SIX5: variants seen among roughly 807,000 people sequenced by gnomAD.
SIX5 encodes the protein SIX homeobox 5, also known as homeobox protein SIX5.
SIX5 carries 21 observed loss-of-function variants against 37.1 expected under a neutral mutation model. The observed-to-expected ratio is 0.57, with a 90% CI of 0.40 to 0.81. The LOEUF (loss-of-function observed/expected upper bound fraction) is 0.81, where lower values mean the gene tolerates loss of function less well. Among genes scored for constraint, SIX5 ranks in the 40% least tolerant of loss-of-function variants. The pLI is 0.00. For synonymous variants in SIX5, 626 were observed against 505.9 expected (o/e 1.24, Z -3.19); for missense variants, 1,137 against 1,025.1 (o/e 1.11, Z -1.49).
In SIX5 at chr19:45,766,895, C is replaced by T. The variant is rs1347622306; in HGVS notation, c.1064G>A (p.Ser355Asn). The T allele has an allele frequency of 1.3e-6, 2 of 1,551,568 alleles. No individual in the cohort carries two copies. Among genetic ancestry groups the T allele is most frequent in the Admixed American group, 1.9e-5 (1 of 52,162 alleles). Reference sequence around the variant, plus strand: ...CCCAGTGAGCAGCAGCGGGCCCAGGCTGGAGGCCTCGCCCAGGGCCAGGCC... The same window carrying T: ...CCCAGTGAGCAGCAGCGGGCCCAGGTTGGAGGCCTCGCCCAGGGCCAGGCC... ...INGLALGEAS[S>N]LGPLLLTGGG... Residue 355 changes from serine to asparagine, a missense_variant, in exon 2 of 3, where the codon AGC becomes AAC. This residue lies in a region of SIX5 where 787 missense variants were observed against 621.4 expected (regional missense o/e 1.27). Coordinates refer to ENST00000317578, the MANE Select transcript of SIX5 (RefSeq NM_175875.5).
rs1279848841 is a variant in SIX5, at chr19:45,765,724, G to A, written c.1997C>T (p.Ser666Leu). The A allele has an allele frequency of 3.1e-6, 5 of 1,612,568 alleles. No homozygotes were observed. The highest frequency in any genetic ancestry group is 1.1e-5 in the South Asian group (1 of 91,092). ...TCCTGCGCTTAGTTCCAGCCCTGCT[G>A]ACCAGACAGGCACGGCCGCGGGTGA... ...MLSPAAVPVW[S>L]AGLELSAGTE... The change falls in exon 3 of 3, where the codon TCA becomes TTA. Residue 666 changes from serine (S) to leucine (L), a missense_variant. By Grantham distance (145) the Ser-to-Leu change is moderately radical. Coordinates refer to ENST00000317578, the MANE Select transcript of SIX5 (RefSeq NM_175875.5).
At position 45,768,888 on chromosome 19, in the gene SIX5, T is replaced by A; in HGVS notation, c.-44A>T. 6.7e-7 allele frequency: 1 copy of A among 1,497,648 alleles called. No homozygotes were observed. The highest frequency in any genetic ancestry group is 8.9e-7 in the Non-Finnish European group (1 of 1,122,100). The allele number at this position is 1,497,648 out of a possible 1,614,324, so 92.8% of individuals were successfully genotyped here. A position where few individuals can be genotyped will look rare whatever the true frequency, so the allele number is the denominator to read the frequency against. On this transcript the variant is annotated 5_prime_UTR_variant, in exon 1 of 3. Coordinates refer to ENST00000317578, the MANE Select transcript of SIX5 (RefSeq NM_175875.5). The stretch of plus-strand genomic sequence containing the variant: ...GTTCCTCCCTCCCTCTCTTCCTCCC[T>A]CGGGCTTTCCCCAGCCTCCTCCCCC...
In SIX5 at chr19:45,769,063, T is replaced by C; in HGVS notation, c.-219A>G. 1 of 513,606 alleles carries C rather than the reference T, an allele frequency of 1.9e-6. No individual in the cohort carries two copies. Among genetic ancestry groups the C allele is most frequent in the South Asian group, 2.7e-5 (1 of 37,448 alleles). 31.8% of individuals were successfully genotyped at this position (513,606 alleles called of 1,614,324 possible). On this transcript the variant is annotated 5_prime_UTR_variant, in exon 1 of 3. Coordinates refer to ENST00000317578, the MANE Select transcript of SIX5 (RefSeq NM_175875.5). ...CCGTCCCCCTCCCGTCTGTCTGTGA[T>C]TCTCCCTTTGTTTTCCCTCCGCCTC...
At chr19:45,766,246 GGATGA>G (rs1256774647) in intron 2 of SIX5, 99 bp downstream of exon 2, 38 of 1,492,802 alleles carry the variant, frequency 2.5e-5, no homozygotes, top group African/African-American at 4.2e-5. Flanking sequence ...GACTTGCCAG[GGATGA>G]GATGCCCTCC....
intron 1 of SIX5, 192 bp downstream of exon 1, chr19:45,767,850 G>T (rs1052018259): frequency 1.7e-6 from 1 of 600,472 alleles, no homozygotes; most frequent in Non-Finnish European, 2.9e-6. Context: ...CGTGCGGGGA[G>T]AGGGCCCGGG....
In SIX5 at chr19:45,768,476, G is replaced by A. The variant is rs1435379917; in HGVS notation, c.369C>T (p.Ser123=). 9 of 1,525,200 alleles carry A rather than the reference G, an allele frequency of 5.9e-6. No homozygotes were observed. The highest frequency in any genetic ancestry group is 1.2e-5 in the South Asian group (1 of 83,364). The allele number at this position is 1,525,200 out of a possible 1,614,324, so 94.5% of individuals were successfully genotyped here. Residue 123 remains serine, a synonymous_variant, in exon 1 of 3, where the codon AGC becomes AGT. Coordinates refer to ENST00000317578, the MANE Select transcript of SIX5 (RefSeq NM_175875.5). ...ALPPAERLRG[S]DPVLRARALV... ...GGGCCCGCGCGCGCAACACCGGGTC[G>A]CTGCCACGTAGGCGCTCGGCCGGGG...
At chr19:45,766,206 G>A (rs969004137) in intron 2 of SIX5, 95 bp from the exon 3 acceptor site, 16 of 1,515,598 alleles carry the variant, frequency 1.1e-5, no homozygotes, top group Admixed American at 6.2e-5. Context: ...GCGGGCGGAG[G>A]GAGCCTTGTG....
intron 1 of SIX5, chr19:45,767,721 G>C (rs1969106712): frequency 1.6e-5 from 7 of 441,004 alleles, no homozygotes; most frequent in South Asian, 3.6e-5. Context: ...ACGCGGAGTG[G>C]AGTGGCCACA....
At chr19:45,766,307 T>G in intron 2 of SIX5, 43 bp downstream of exon 2, 1 of 1,531,686 alleles carries the variant, frequency 6.5e-7, no homozygotes, top group Non-Finnish European at 8.8e-7. Context: ...ACTGCACCCC[T>G]CCCCGGCTCT....
In SIX5 at chr19:45,768,284, T is replaced by C; in HGVS notation, c.561A>G (p.Arg187=). ...TGGGCAGCGGGAACTTCTTGCGCAG[T>C]CGATACTTGTCCACTGCGCCAAGCG... The part of the protein sequence containing the change: ...GRALGAVDKY[R]LRKKFPLPKT... The change falls in exon 1 of 3, where the codon CGA becomes CGG. Residue 187 remains arginine (R), a synonymous_variant. Transcript: ENST00000317578. The C allele has an allele frequency of 6.2e-7, 1 of 1,612,308 alleles. No homozygotes were observed. The highest frequency in any genetic ancestry group is 8.5e-7 in the Non-Finnish European group (1 of 1,179,508).
intron 1 of SIX5, chr19:45,767,655 G>C (rs1246166707): frequency 3.2e-6 from 1 of 312,000 alleles, no homozygotes; most frequent in African/African-American, 2.2e-5. Flanking sequence ...GGGAGTGTGG[G>C]GGCGGGTGGG....
chr19:45,767,269 G>A (rs942052791), intron 1 of SIX5, 114 bp from the exon 2 acceptor site: 33 of 1,087,730 alleles, frequency 3.0e-5, no homozygotes, highest in Middle Eastern at 2.9e-4. Context: ...ATCATTCCAG[G>A]GGTTATGACG....
intron 1 of SIX5, chr19:45,767,772 A>C: frequency 1.8e-6 from 1 of 543,768 alleles, no homozygotes; most frequent in Non-Finnish European, 3.3e-6. Flanking sequence ...TGCCCCCCGC[A>C]GTGTGATTCC....
At position 45,768,289 on chromosome 19, in the gene SIX5, AC is replaced by A; in HGVS notation, c.555del (p.Lys185AsnfsTer139). On this transcript the variant is annotated frameshift_variant, in exon 1 of 3. Transcript: ENST00000317578. LOFTEE classifies it high-confidence loss of function. ...ARGRALGAVD[K>X]YRLRKKFPLP... Reference sequence around the variant, plus strand: ...AGCGGGAACTTCTTGCGCAGTCGATACTTGTCCACTGCGCCAAGCGCGCGGC... The same window carrying A: ...AGCGGGAACTTCTTGCGCAGTCGATATTGTCCACTGCGCCAAGCGCGCGGC... 6.2e-7 allele frequency: 1 copy of A among 1,611,920 alleles called. No individual in the cohort carries two copies. Among genetic ancestry groups the A allele is most frequent in the Non-Finnish European group, 8.5e-7 (1 of 1,179,388 alleles).
In SIX5 at chr19:45,766,716, G is replaced by C; in HGVS notation, c.1243C>G (p.Pro415Ala). 1 of 1,561,124 alleles carries C rather than the reference G, an allele frequency of 6.4e-7. No individual in the cohort carries two copies. Among genetic ancestry groups the C allele is most frequent in the East Asian group, 2.4e-5 (1 of 41,832 alleles). ...CCCAGGACCTCCTCTCCAAGGGCTG[G>C]TCCCGGAGCAGCCACCTGGGCCCCT... is the stretch of plus-strand genomic sequence containing the variant. ...TKGAQVAAPGPALGEEVLGPL... is the reference protein window; with the variant it reads ...TKGAQVAAPGAALGEEVLGPL... Residue 415 changes from proline to alanine, a missense_variant, in exon 2 of 3, where the codon CCA (proline) becomes GCA (alanine). By Grantham distance (27) the Pro-to-Ala change is conservative (BLOSUM62 -1). This residue lies in a region of SIX5 where 787 missense variants were observed against 621.4 expected (regional missense o/e 1.27). Transcript: ENST00000317578.
chr19:45,767,785 A>C, intron 1 of SIX5: 1 of 566,438 alleles, frequency 1.8e-6, no homozygotes, highest in South Asian at 2.2e-5. Context: ...GTGATTCCCC[A>C]ACACCGATGG....
Position 45,766,814 on chromosome 19 carries a change from G to T in SIX5, c.1145C>A (p.Thr382Asn). ...TGTCTGAGGGTCCAGGACCAGAGAGGTCTTGGTCTCGCTGGCCCCCTGAGG... is the reference window on the plus strand; with the variant it reads ...TGTCTGAGGGTCCAGGACCAGAGAGTTCTTGGTCTCGCTGGCCCCCTGAGG... ...PSPQGASETK[T>N]SLVLDPQTGE... is the part of the protein sequence containing the mutation. The change falls in exon 2 of 3, where the codon ACC becomes AAC. Residue 382 changes from threonine (T) to asparagine (N), a missense_variant. Coordinates refer to ENST00000317578, the MANE Select transcript of SIX5 (RefSeq NM_175875.5). The T allele has an allele frequency of 6.4e-7, 1 of 1,561,104 alleles. No individual in the cohort carries two copies.
rs1969155515 is a variant in SIX5, at chr19:45,768,853, A to G, written c.-9T>C. On this transcript the variant is annotated 5_prime_UTR_variant, in exon 1 of 3. Coordinates refer to ENST00000317578, the MANE Select transcript of SIX5 (RefSeq NM_175875.5). ...GCAGGCAAGGTAGCCATGTTTTGCAACTTTGGGAAGTTCCTCCCTCCCTCT... is the reference window on the plus strand; with the variant it reads ...GCAGGCAAGGTAGCCATGTTTTGCAGCTTTGGGAAGTTCCTCCCTCCCTCT... The G allele has an allele frequency of 1.3e-6, 2 of 1,527,734 alleles. No individual in the cohort carries two copies. Among genetic ancestry groups the G allele is most frequent in the African/African-American group, 2.8e-5 (2 of 72,406 alleles). The allele number at this position is 1,527,734 out of a possible 1,614,324, so 94.6% of individuals were successfully genotyped here. A position where few individuals can be genotyped will look rare whatever the true frequency, so the allele number is the denominator to read the frequency against.
chr19:45,767,449 C>T (rs1281163629), intron 1 of SIX5, among the ~76,000 whole-genome samples: 1 of 152,186 alleles, frequency 6.6e-6, no homozygotes, highest in Non-Finnish European at 1.5e-5. Flanking sequence ...GGGCGGAAAG[C>T]GGGCGAGTGG....
Sources: allele counts gnomAD v4.1 joint callset (sites outside exome capture counted in the v4.1 genomes callset), GRCh38; gene constraint gnomAD v4.1.1; regional missense constraint gnomAD v4.1.1; transcripts MANE v1.5; gene names NCBI Gene and HGNC (gene_info 2026-07-23, HGNC 2026-07-21).